The following RGS12 variants were observed in gnomAD, a reference collection of about 807,000 sequenced individuals.
RGS12 encodes the protein regulator of G protein signaling 12, also known as regulator of G-protein signaling 12.
In RGS12, 66 loss-of-function variants were observed where a neutral mutation model predicts 120.1. That is an observed-to-expected ratio of 0.55 (90% CI 0.45 to 0.67). The LOEUF (loss-of-function observed/expected upper bound fraction) is 0.67. RGS12 is among the 30% of genes least tolerant of loss of function. The pLI, the probability that RGS12 is intolerant of heterozygous loss-of-function variation, is 0.00. For missense variants in RGS12, 1,859 were observed against 1,957.7 expected (o/e 0.95, Z 0.95); for synonymous variants, 827 against 804.7 (o/e 1.03, Z -0.47).
intron 4 of RGS12, among the ~76,000 whole-genome samples, chr4:3,408,731 G>C (rs1721418125): frequency 6.6e-6 from 1 of 152,162 alleles, no homozygotes; most frequent in Admixed American, 6.5e-5. Flanking sequence ...GGGTGGCATG[G>C]GCAGCCGGGG....
chr4:3,297,022 C>T lies in RGS12; in HGVS notation c.-102+3923C>T, dbSNP rs1043455499. ...TCTTCCATGAAGGAGCCTCTTGCCT[C>T]GGGCTCCGGGCAAGGAACTCTTGTG... On this transcript the variant is annotated intron_variant, in intron 1 of 17. Transcript: ENST00000336727. Among the ~76,000 whole-genome samples, 7 of 152,232 alleles carry T rather than the reference C, an allele frequency of 4.6e-5. No individual in the cohort carries two copies. The East Asian group carries it at 1.2e-3, about 25-fold the overall frequency.
chr4:3,333,338 C>T (rs1472348536), intron 2 of RGS12, among the ~76,000 whole-genome samples: 3 of 152,168 alleles, frequency 2.0e-5, no homozygotes, highest in South Asian at 2.1e-4. Flanking sequence ...CGTGAGCTAC[C>T]GTGCCCGGCC....
chr4:3,330,255 A>C (rs1440519028), intron 2 of RGS12, among the ~76,000 whole-genome samples: 1 of 152,228 alleles, frequency 6.6e-6, no homozygotes, highest in Non-Finnish European at 1.5e-5. Context: ...TACTGTGAGC[A>C]ATCCTAGACA....
chr4:3,295,269 A>T (rs960110963), intron 1 of RGS12, among the ~76,000 whole-genome samples: 1 of 152,170 alleles, frequency 6.6e-6, no homozygotes, highest in Non-Finnish European at 1.5e-5. Context: ...CTTCCGGCTG[A>T]TAGAAGGGGG....
At chr4:3,421,015 T>C (rs1722964428) in intron 10 of RGS12, among the ~76,000 whole-genome samples, 1 of 152,228 alleles carries the variant, frequency 6.6e-6, no homozygotes, top group Non-Finnish European at 1.5e-5. Context: ...CTTAAGTCTT[T>C]TTGTTGTAAT....
At position 3,430,774 on chromosome 4, in the gene RGS12, G is replaced by A; in HGVS notation, c.3933G>A (p.Glu1311=). The A allele has an allele frequency of 6.2e-7, 1 of 1,610,958 alleles. No individual in the cohort carries two copies. Among genetic ancestry groups the A allele is most frequent in the Non-Finnish European group, 8.5e-7 (1 of 1,178,924 alleles). Residue 1311 remains glutamate, a synonymous_variant, in exon 17 of 18, where the codon GAG becomes GAA. Coordinates refer to ENST00000336727, the MANE Select transcript of RGS12 (RefSeq NM_001394154.1). ...TPQSPVSLAQ[E]GTAQIWKRQS... Reference sequence around the variant, plus strand: ...AGTCCCCCGTCTCCCTCGCGCAGGAGGGCACCGCCCAGATCTGGAAGAGGC... The same window carrying A: ...AGTCCCCCGTCTCCCTCGCGCAGGAAGGCACCGCCCAGATCTGGAAGAGGC...
At chr4:3,305,440 T>G (rs1578682913) in intron 1 of RGS12, among the ~76,000 whole-genome samples, 1 of 152,086 alleles carries the variant, frequency 6.6e-6, no homozygotes, top group African/African-American at 2.4e-5. Context: ...CAGCATCTGC[T>G]CAGAGTCCCG....
chr4:3,293,241 G>GCCGC (rs1723145797), intron 1 of RGS12, 142 bp downstream of exon 1: 1 of 145,582 alleles, frequency 6.9e-6, no homozygotes, highest in Non-Finnish European at 1.5e-5. Context: ...CCTCGGGGTC[G>GCCGC]CCGCCCGCCC....
At chr4:3,315,105 C>T (rs1724651410) in intron 1 of RGS12, among the ~76,000 whole-genome samples, 1 of 152,232 alleles carries the variant, frequency 6.6e-6, no homozygotes, top group South Asian at 2.1e-4. Flanking sequence ...TGTCACGGCT[C>T]ACTGTGTAGG....
At chr4:3,353,570 G>T (rs1458645899) in intron 3 of RGS12, among the ~76,000 whole-genome samples, 1 of 152,162 alleles carries the variant, frequency 6.6e-6, no homozygotes, top group African/African-American at 2.4e-5. Flanking sequence ...CCCTGATGTG[G>T]CATTGTTTTT....
intron 4 of RGS12, among the ~76,000 whole-genome samples, chr4:3,387,241 G>A (rs931019384): frequency 1.3e-5 from 2 of 152,240 alleles, no homozygotes; most frequent in Non-Finnish European, 2.9e-5. Context: ...TGCTGCAGAA[G>A]CTGCCCAGGG....
At chr4:3,331,913 C>A (rs564974370) in intron 2 of RGS12, among the ~76,000 whole-genome samples, 3 of 152,342 alleles carry the variant, frequency 2.0e-5, no homozygotes, top group African/African-American at 7.2e-5. Flanking sequence ...TTTCCTAGTC[C>A]CTGCAGCGTT....
At chr4:3,363,537 G>A (rs1715948878) in intron 3 of RGS12, among the ~76,000 whole-genome samples, 1 of 151,998 alleles carries the variant, frequency 6.6e-6, no homozygotes, top group Non-Finnish European at 1.5e-5. Flanking sequence ...CAAGAGGCGA[G>A]ACGGACAGGG....
At chr4:3,380,091 C>T (rs755863627) in intron 3 of RGS12, among the ~76,000 whole-genome samples, 4 of 152,224 alleles carry the variant, frequency 2.6e-5, no homozygotes, top group Non-Finnish European at 4.4e-5. Context: ...AATCGGATTA[C>T]AGGTATTGGG....
chr4:3,303,472 A>G (rs1408726907), intron 1 of RGS12, among the ~76,000 whole-genome samples: 1 of 152,198 alleles, frequency 6.6e-6, no homozygotes, highest in South Asian at 2.1e-4. Context: ...GCATCTGTGC[A>G]GATACTCTGT....
intron 13 of RGS12, among the ~76,000 whole-genome samples, chr4:3,424,456 C>A (rs1314626439): frequency 2.0e-5 from 3 of 152,262 alleles, no homozygotes; most frequent in African/African-American, 7.2e-5. Flanking sequence ...GTCCAGAAAT[C>A]TGCAGGTGGG....
In RGS12 at chr4:3,414,374, T is replaced by G. The variant is rs890072868; in HGVS notation, c.2190+133T>G. The G allele has an allele frequency of 2.2e-5, 22 of 1,008,028 alleles. No individual in the cohort carries two copies. In the African/African-American group the frequency reaches 3.6e-4, roughly 16 times the overall value. The allele number at this position is 1,008,028 out of a possible 1,614,324, so 62.4% of individuals were successfully genotyped here. A position where few individuals can be genotyped will look rare whatever the true frequency, so the allele number is the denominator to read the frequency against. On this transcript the variant is annotated intron_variant, in intron 5 of 17. Transcript: ENST00000336727. ...GCAGCCCCGTGGCAGGGGTCTCCCCTCCCTGGACCGCCACCCTCTCAAGAG... is the reference window on the plus strand; with the variant it reads ...GCAGCCCCGTGGCAGGGGTCTCCCCGCCCTGGACCGCCACCCTCTCAAGAG...
chr4:3,436,374 T>C (rs1439228649), intron 17 of RGS12, among the ~76,000 whole-genome samples: 7 of 152,160 alleles, frequency 4.6e-5, no homozygotes, highest in Non-Finnish European at 8.8e-5. Context: ...CCTTGTGCCC[T>C]GCGAGCTTCC....
At chr4:3,409,665 C>T (rs1416306534) in intron 4 of RGS12, among the ~76,000 whole-genome samples, 1 of 152,226 alleles carries the variant, frequency 6.6e-6, no homozygotes, top group Non-Finnish European at 1.5e-5. Flanking sequence ...CCCATCTCCC[C>T]TCCACCGGCA....
Sources: allele counts gnomAD v4.1 joint callset (sites outside exome capture counted in the v4.1 genomes callset), GRCh38; gene constraint gnomAD v4.1.1; transcripts MANE v1.5; gene names NCBI Gene and HGNC (gene_info 2026-07-23, HGNC 2026-07-21).